CCDC125: variants seen among roughly 807,000 people sequenced by gnomAD.
CCDC125 encodes coiled-coil domain containing 125.
CCDC125 carries 43 observed loss-of-function variants against 57.4 expected under a neutral mutation model. The observed-to-expected ratio is 0.75, with a 90% confidence interval of 0.59 to 0.97. CCDC125 has a LOEUF of 0.97. Among genes scored for constraint, CCDC125 ranks in the 50% least tolerant of loss-of-function variants. CCDC125 has a pLI of 0.00. For missense variants in CCDC125, 563 were observed against 595.7 expected (o/e 0.95, Z 0.57); for synonymous variants, 187 against 195.2 (o/e 0.96, Z 0.35).
chr5:69,273,587 G>T, the CCDC125 span, among the ~76,000 whole-genome samples: 1 of 152,080 alleles, frequency 6.6e-6, no homozygotes, highest in Non-Finnish European at 1.5e-5. Flanking sequence ...AACAAAAACT[G>T]AAACTAACTG....
chr5:69,296,169 A>G (rs1328721245), intron 8 of CCDC125, among the ~76,000 whole-genome samples: 6 of 150,622 alleles, frequency 4.0e-5, no homozygotes, highest in Non-Finnish European at 7.4e-5. Context: ...GGCATGAGCC[A>G]TCGCACCCGG....
the CCDC125 span, among the ~76,000 whole-genome samples, chr5:69,274,012 C>T: frequency 6.6e-6 from 1 of 152,214 alleles, no homozygotes; most frequent in Non-Finnish European, 1.5e-5. Flanking sequence ...ATTTTTATGT[C>T]CATGTGTACA....
rs758105311 is a variant in CCDC125, at chr5:69,282,897, G to T, written c.1368C>A (p.Asn456Lys). The T allele has an allele frequency of 1.2e-6, 2 of 1,614,108 alleles. No homozygotes were observed. Among genetic ancestry groups the T allele is most frequent in the Non-Finnish European group, 1.7e-6 (2 of 1,180,014 alleles). ...NPIKENFPFN[N>K]PWRKTSEFSV... ...AGAATTCTGAAGTCTTACGCCAGGG[G>T]TTGTTGAAAGGGAAATTCTCTTTTA... The change falls in exon 12 of 12, where the codon AAC becomes AAA. Residue 456 changes from asparagine (N) to lysine (K), a missense_variant. Coordinates refer to ENST00000396496, the MANE Select transcript of CCDC125 (RefSeq NM_176816.5).
chr5:69,286,422 TG>T (rs1309702114), intron 10 of CCDC125, among the ~76,000 whole-genome samples: 3 of 150,912 alleles, frequency 2.0e-5, no homozygotes, highest in Non-Finnish European at 4.4e-5. Context: ...TTAGTAGAGA[TG>T]GGGTTTCACT....
At chr5:69,290,560 G>T (rs937437030) in intron 10 of CCDC125, among the ~76,000 whole-genome samples, 1 of 149,238 alleles carries the variant, frequency 6.7e-6, no homozygotes, top group Non-Finnish European at 1.5e-5. Context: ...GCCTCAGCCT[G>T]CCAAAGTGCT....
In CCDC125 at chr5:69,280,183, CATACAGCCAACACAATA is replaced by C. The variant is rs1482242316; in HGVS notation, c.*2529_*2545del. On this transcript the variant is annotated 3_prime_UTR_variant, in exon 12 of 12. Transcript: ENST00000396496. The stretch of plus-strand genomic sequence containing the variant: ...AAGGAAATGACCATTTTCTCATGAC[CATACAGCCAACACAATA>C]AACCTCAGCATTCACATTGTAATTG... The C allele has an allele frequency of 1.3e-5, 2 of 152,142 alleles. No individual in the cohort carries two copies. The highest frequency in any genetic ancestry group is 2.9e-5 in the Non-Finnish European group (2 of 68,038). 9.4% of individuals were successfully genotyped at this position (152,142 alleles called of 1,614,324 possible). A position where few individuals can be genotyped will look rare whatever the true frequency, so the allele number is the denominator to read the frequency against.
chr5:69,286,371 A>G (rs1437668327), intron 10 of CCDC125, among the ~76,000 whole-genome samples: 1 of 150,530 alleles, frequency 6.6e-6, no homozygotes, highest in East Asian at 1.9e-4. Context: ...AGCTGGGACT[A>G]CAGGCGCCCG....
chr5:69,306,245 G>GA (rs1490378796), intron 6 of CCDC125, among the ~76,000 whole-genome samples: 1 of 151,528 alleles, frequency 6.6e-6, no homozygotes, highest in Non-Finnish European at 1.5e-5. Context: ...GATTTTGTTT[G>GA]AAAAAAACAA....
chr5:69,286,498 G>T (rs1753505446), intron 10 of CCDC125, among the ~76,000 whole-genome samples: 1 of 151,700 alleles, frequency 6.6e-6, no homozygotes, highest in East Asian at 1.9e-4. Flanking sequence ...CTCCCAAAAT[G>T]CTGGGATTAC....
rs200617897 is a variant in CCDC125 at position 69,330,751 on chromosome 5, C to T, written c.-41+1898G>A. Reference sequence around the variant, plus strand: ...CTTCACATGCCTTCAGTTGCTAGGTCTTCTAGACCCAAAAAAATCTCCCCA... The same window carrying T: ...CTTCACATGCCTTCAGTTGCTAGGTTTTCTAGACCCAAAAAAATCTCCCCA... On this transcript the variant is annotated intron_variant, in intron 1 of 11. Transcript: ENST00000396496. 6.5e-4 allele frequency among the ~76,000 whole-genome samples: 99 copies of T among 152,216 alleles called. 1 individual carries two copies. Among genetic ancestry groups the T allele is most frequent in the African/African-American group, 2.1e-3 (86 of 41,536 alleles).
downstream of CCDC125, among the ~76,000 whole-genome samples, chr5:69,278,214 A>ATTTTT (rs1554068144): frequency 7.4e-5 from 11 of 148,222 alleles, no homozygotes; most frequent in East Asian, 4.0e-4. Flanking sequence ...ACTTTATTTT[A>ATTTTT]TTTTTTTTTG....
chr5:69,310,618 A>C, intron 4 of CCDC125: 1 of 155,292 alleles, frequency 6.4e-6, no homozygotes. Flanking sequence ...CATAAGCAAA[A>C]CATGGTGCAT....
Position 69,281,959 on chromosome 5 carries a change from C to G in CCDC125, c.*770G>C, listed in dbSNP as rs1316827307. ...AGGCTGGAGTGCAATGACACAGTCTCGGCTTACCACAACCCCCGCCTCCCA... is the reference window on the plus strand; with the variant it reads ...AGGCTGGAGTGCAATGACACAGTCTGGGCTTACCACAACCCCCGCCTCCCA... On this transcript the variant is annotated 3_prime_UTR_variant, in exon 12 of 12. Coordinates refer to ENST00000396496, the MANE Select transcript of CCDC125 (RefSeq NM_176816.5). The G allele has an allele frequency of 5.3e-5, 8 of 150,786 alleles. No homozygotes were observed. Among genetic ancestry groups the G allele is most frequent in the African/African-American group, 2.0e-4 (8 of 40,802 alleles). The allele number at this position is 150,786 out of a possible 1,614,324, so 9.3% of individuals were successfully genotyped here. A position where few individuals can be genotyped will look rare whatever the true frequency, so the allele number is the denominator to read the frequency against.
At chr5:69,286,787 C>A in intron 10 of CCDC125, among the ~76,000 whole-genome samples, 1 of 151,848 alleles carries the variant, frequency 6.6e-6, no homozygotes, top group Non-Finnish European at 1.5e-5. Context: ...AGGGGAGATC[C>A]CCTTCCCACC....
intron 7 of CCDC125, among the ~76,000 whole-genome samples, chr5:69,302,283 G>A (rs1478248110): frequency 2.6e-5 from 4 of 150,944 alleles, no homozygotes; most frequent in Admixed American, 6.6e-5. Flanking sequence ...TTAGCCAGGT[G>A]TGGTGGCAGG....
At chr5:69,306,793 A>C in intron 6 of CCDC125, 24 bp downstream of exon 6, 2 of 1,380,350 alleles carry the variant, frequency 1.4e-6, no homozygotes, top group Non-Finnish European at 1.9e-6. Context: ...TTGTCAAAGA[A>C]AAATAATGGA....
chr5:69,330,744 G>T (rs1761314854), intron 1 of CCDC125, among the ~76,000 whole-genome samples: 2 of 152,102 alleles, frequency 1.3e-5, no homozygotes, highest in Non-Finnish European at 2.9e-5. Context: ...GCCTTCAGTT[G>T]CTAGGTCTTC....
chr5:69,292,396 G>A (rs1407422913), intron 9 of CCDC125, 34 bp from the exon 10 acceptor site: 1 of 1,548,614 alleles, frequency 6.5e-7, no homozygotes, highest in Non-Finnish European at 8.9e-7. Flanking sequence ...AGGTGTCAGA[G>A]GCAAAACCAG....
intron 10 of CCDC125, among the ~76,000 whole-genome samples, chr5:69,287,390 AGTAGCTGGGAT>A (rs1372314683): frequency 6.6e-6 from 1 of 151,556 alleles, no homozygotes; most frequent in Non-Finnish European, 1.5e-5. Flanking sequence ...CAGCCTCCCG[AGTAGCTGGGAT>A]TACAGGCTTG....
Sources: allele counts gnomAD v4.1 joint callset (sites outside exome capture counted in the v4.1 genomes callset), GRCh38; gene constraint gnomAD v4.1.1; transcripts MANE v1.5; gene names NCBI Gene and HGNC (gene_info 2026-07-23, HGNC 2026-07-21).